NHSL1: variants seen among roughly 807,000 people sequenced by gnomAD.
The protein encoded by NHSL1 is NHS like 1.
A neutral mutation model predicts 95.0 loss-of-function variants in NHSL1; 48 were observed. The ratio of observed to expected loss-of-function variants is 0.51; its 90% CI spans 0.40 to 0.64. The LOEUF is 0.64. Among genes scored for constraint, NHSL1 ranks in the 30% least tolerant of loss-of-function variants. The pLI is 0.00. For synonymous variants in NHSL1, 783 were observed against 833.9 expected (o/e 0.94, Z 1.05); for missense variants, 1,971 against 2,077.7 (o/e 0.95, Z 1.00).
rs1292479536 is a variant in NHSL1, at chr6:138,424,751, G to T, written c.4151C>A (p.Ser1384Tyr). The change falls in exon 8 of 8, where the codon TCC (serine) becomes TAC (tyrosine). Residue 1384 changes from serine to tyrosine, a missense_variant. Ser to Tyr is a moderately radical substitution (Grantham distance 144). Around this residue, in one of 3 missense-constraint regions of NHSL1, gnomAD observed 146 missense variants for 206.3 expected, o/e 0.71. Coordinates refer to ENST00000343505, the MANE Select transcript of NHSL1 (RefSeq NM_001144060.2). This position sits in a 1 kb window ranked among gnomAD's most constrained non-coding sequence, Gnocchi z 5.9. ...DDDHSRNHSPSPPVTPTGAAP... is the reference protein window; with the variant it reads ...DDDHSRNHSPYPPVTPTGAAP... ...AGCGCCGGTGGGTGTCACGGGCGGG[G>T]AGGGAGAATGGTTTCGGGAGTGGTC... 2 of 1,551,432 alleles carry T rather than the reference G, an allele frequency of 1.3e-6. No individual in the cohort carries two copies. Among genetic ancestry groups the T allele is most frequent in the Non-Finnish European group, 1.7e-6 (2 of 1,146,838 alleles).
chr6:138,429,946 G>A (rs1425778848), intron 6 of NHSL1, 103 bp from the exon 7 acceptor site: 1 of 1,190,674 alleles, frequency 8.4e-7, no homozygotes, highest in East Asian at 2.6e-5. Context: ...CCGACAATGT[G>A]AGAACCACAG....
chr6:138,604,734 T>C (rs77115635), intron 1 of NHSL1, among the ~76,000 whole-genome samples: 3,709 of 152,266 alleles, frequency 0.024, 139 homozygotes, highest in African/African-American at 0.08. Context: ...CAAGCGATTC[T>C]TATGCCTCGG....
intron 1 of NHSL1, among the ~76,000 whole-genome samples, chr6:138,588,724 G>A (rs1784178584): frequency 6.6e-6 from 1 of 152,172 alleles, no homozygotes; most frequent in South Asian, 2.1e-4. Context: ...TTAACAGTTT[G>A]GGTGAAAAGA....
intron 3 of NHSL1, among the ~76,000 whole-genome samples, chr6:138,473,068 T>TTATATTTTCTGAA (rs1348600031): frequency 4.6e-5 from 7 of 152,254 alleles, no homozygotes; most frequent in Non-Finnish European, 7.3e-5. Context: ...TAGGATAGTT[T>TTATATTTTCTGAA]TATATTTTCT....
chr6:138,474,347 G>T (rs1197697564), intron 2 of NHSL1, among the ~76,000 whole-genome samples: 1 of 152,136 alleles, frequency 6.6e-6, no homozygotes, highest in African/African-American at 2.4e-5. Flanking sequence ...GCACCTACAG[G>T]CACAGAACTA....
At chr6:138,680,320 C>T (rs956056503) in intron 1 of NHSL1, among the ~76,000 whole-genome samples, 1 of 152,176 alleles carries the variant, frequency 6.6e-6, no homozygotes, top group Non-Finnish European at 1.5e-5. Context: ...TGCACTGTCG[C>T]AGCACCACCT....
chr6:138,512,492 T>C (rs577092918), intron 1 of NHSL1: 1 of 201,386 alleles, frequency 5.0e-6, no homozygotes, highest in African/African-American at 2.4e-5. Context: ...TAACTCTATA[T>C]TCTGAACTTT....
rs1344164948 is a variant in NHSL1, at chr6:138,505,988, A to G, written c.17-9617T>C. Among the ~76,000 whole-genome samples, 3 of 152,340 alleles carry G rather than the reference A, an allele frequency of 2.0e-5. No homozygotes were observed. In the South Asian group the frequency reaches 6.2e-4, roughly 32 times the overall value. ...CTTTATGCATGGTTAAAATACTTCA[A>G]ATACGATTTTTAAATCTATAGACAC... is the stretch of plus-strand genomic sequence containing the variant. On this transcript the variant is annotated intron_variant, in intron 1 of 4. Transcript: ENST00000342260.
At position 138,617,362 on chromosome 6, in the gene NHSL1, G is replaced by A. The variant is rs143107415; in HGVS notation, c.96+75114C>T. ...TACAAGAGAGACCTCACAGGGAAGA[G>A]GACAGACTGCATTCTCCACGCCCTA... is the stretch of plus-strand genomic sequence containing the variant. On this transcript the variant is annotated intron_variant, in intron 1 of 3. Transcript: ENST00000491526. Among the ~76,000 whole-genome samples the A allele has an allele frequency of 4.5e-3, 686 of 152,238 alleles. 2 individuals are homozygous for A. The highest frequency in any genetic ancestry group is 6.9e-3 in the Non-Finnish European group (469 of 68,022).
chr6:138,686,437 T>C (rs1583481202), intron 1 of NHSL1, among the ~76,000 whole-genome samples: 1 of 152,064 alleles, frequency 6.6e-6, no homozygotes, highest in Non-Finnish European at 1.5e-5. Context: ...GGGAGGATCA[T>C]TTGAGCCATT....
chr6:138,429,598 G>T, intron 7 of NHSL1, 113 bp downstream of exon 7: 1 of 909,194 alleles, frequency 1.1e-6, no homozygotes, highest in South Asian at 2.0e-5. Flanking sequence ...TAAAGTTAAG[G>T]AGTTATGATT....
intron 1 of NHSL1, among the ~76,000 whole-genome samples, chr6:138,536,563 T>C (rs1651014169): frequency 6.6e-6 from 1 of 151,608 alleles, no homozygotes; most frequent in South Asian, 2.1e-4. Flanking sequence ...CTTTTCAGCA[T>C]TTATAGATTC....
At chr6:138,649,236 A>G (rs1785057172) in intron 1 of NHSL1, among the ~76,000 whole-genome samples, 1 of 152,008 alleles carries the variant, frequency 6.6e-6, no homozygotes, top group South Asian at 2.1e-4. Context: ...TGTCAGCTCT[A>G]TACACTTCAT....
chr6:138,640,249 T>C (rs950689887), intron 1 of NHSL1, among the ~76,000 whole-genome samples: 20 of 152,202 alleles, frequency 1.3e-4, no homozygotes, highest in African/African-American at 3.6e-4. Flanking sequence ...CAAAGTGGTA[T>C]AGCTAGAAAG....
chr6:138,645,775 G>A (rs1562401102), intron 1 of NHSL1, among the ~76,000 whole-genome samples: 1 of 152,028 alleles, frequency 6.6e-6, no homozygotes, highest in Non-Finnish European at 1.5e-5. Context: ...CAAAGTGCTG[G>A]GATTACAGGC....
At chr6:138,609,749 C>CAAAAAAAAAAAA (rs10687521) in intron 1 of NHSL1, among the ~76,000 whole-genome samples, 39 of 106,218 alleles carry the variant, frequency 3.7e-4, no homozygotes, top group African/African-American at 1.2e-3. Context: ...GACTCTGTCT[C>CAAAAAAAAAAAA]AAAAAAAAAA....
intron 1 of NHSL1, among the ~76,000 whole-genome samples, chr6:138,606,893 C>A (rs901936921): frequency 6.6e-6 from 1 of 151,674 alleles, no homozygotes; most frequent in African/African-American, 2.4e-5. Context: ...TTAGTAGAGA[C>A]GGGGTTTCAC....
At chr6:138,495,917 T>A (rs550494389) in intron 2 of NHSL1, among the ~76,000 whole-genome samples, 37 of 152,232 alleles carry the variant, frequency 2.4e-4, no homozygotes, top group African/African-American at 8.2e-4. Flanking sequence ...TCAGATTTCA[T>A]GAGACTCATT....
chr6:138,559,811 A>G (rs1318756639), intron 1 of NHSL1, among the ~76,000 whole-genome samples: 2 of 152,250 alleles, frequency 1.3e-5, no homozygotes, highest in East Asian at 3.8e-4. Context: ...ATAAACAGAG[A>G]AAACAGAGTA....
Sources: allele counts gnomAD v4.1 joint callset (sites outside exome capture counted in the v4.1 genomes callset), GRCh38; gene constraint gnomAD v4.1.1; regional missense constraint gnomAD v4.1.1; non-coding constraint Gnocchi (gnomAD v3.1); transcripts MANE v1.5; gene names NCBI Gene and HGNC (gene_info 2026-07-23, HGNC 2026-07-21).